ZNHIT1: variants seen among roughly 807,000 people sequenced by gnomAD.
ZNHIT1 encodes the protein zinc finger HIT-type containing 1, also known as zinc finger HIT domain-containing protein 1.
In ZNHIT1, 20 loss-of-function variants were observed where a neutral mutation model predicts 21.4. The ratio of observed to expected loss-of-function variants is 0.93; its 90% CI spans 0.66 to 1.36. The LOEUF is 1.36. Among genes scored for constraint, ZNHIT1 ranks in the 40% most tolerant of loss-of-function variants. ZNHIT1 has a pLI of 0.00. For missense variants in ZNHIT1, 170 were observed against 213.5 expected (o/e 0.80, Z 1.27); for synonymous variants, 79 against 84.0 (o/e 0.94, Z 0.32).
At chr7:101,222,489 T>G (rs1024555340) in intron 1 of ZNHIT1, 115 bp from the exon 2 acceptor site, 146 of 1,241,776 alleles carry the variant, frequency 1.2e-4, no homozygotes, top group Non-Finnish European at 1.4e-4. Context: ...GCAATGGGGA[T>G]GAGATCAGAG....
chr7:101,218,293 T>G, intron 1 of ZNHIT1, 76 bp downstream of exon 1: 1 of 1,517,286 alleles, frequency 6.6e-7, no homozygotes. Context: ...GTCATTCCTC[T>G]TTTTTGGTCT....
chr7:101,222,617 C>G lies in ZNHIT1; in HGVS notation c.36C>G (p.Asp12Glu), dbSNP rs774989449. 6.2e-7 allele frequency: 1 copy of G among 1,612,976 alleles called. No individual in the cohort carries two copies. Among genetic ancestry groups the G allele is most frequent in the Non-Finnish European group, 8.5e-7 (1 of 1,179,454 alleles). The change falls in exon 2 of 5, where the codon GAC becomes GAG. Residue 12 changes from aspartate to glutamate, a missense_variant. By Grantham distance (45) the Asp-to-Glu change is conservative (BLOSUM62 2). Coordinates refer to ENST00000305105, the MANE Select transcript of ZNHIT1 (RefSeq NM_006349.3). ...VEKKTSVRSQ[D>E]PGQRRVLDRA... is the part of the protein sequence containing the mutation. ...TGCTCCATCCAGTTCGCTCCCAGGA[C>G]CCCGGGCAGCGGCGGGTGCTGGACC... is the stretch of plus-strand genomic sequence containing the variant.
At chr7:101,222,430 T>C (rs778212969) in intron 1 of ZNHIT1, 174 bp from the exon 2 acceptor site, 2 of 503,402 alleles carry the variant, frequency 4.0e-6, no homozygotes, top group Admixed American at 1.1e-4. Context: ...GGACAGGAAG[T>C]GTGGGCCCAG....
chr7:101,224,184 G>C lies in ZNHIT1; in HGVS notation c.*226G>C. ...GTGCTGTTAGAATAAAAAGCCTCGT[G>C]CCGGAAGCCTTCCTGTTTGGTCGTG... On this transcript the variant is annotated 3_prime_UTR_variant, in exon 5 of 5. Coordinates refer to ENST00000305105, the MANE Select transcript of ZNHIT1 (RefSeq NM_006349.3). 1 of 646,636 alleles carries C rather than the reference G, an allele frequency of 1.5e-6. No homozygotes were observed. Among genetic ancestry groups the C allele is most frequent in the Non-Finnish European group, 2.6e-6 (1 of 379,960 alleles). 40.1% of individuals were successfully genotyped at this position (646,636 alleles called of 1,614,324 possible). A position where few individuals can be genotyped will look rare whatever the true frequency, so the allele number is the denominator to read the frequency against.
chr7:101,223,577 G>C (rs914427487), intron 3 of ZNHIT1, 21 bp downstream of exon 3: 2 of 1,614,176 alleles, frequency 1.2e-6, no homozygotes. Context: ...GGTCGGCCTG[G>C]GAGGACCCCA....
intron 1 of ZNHIT1, chr7:101,219,776 G>A (rs1403812304): frequency 6.6e-6 from 1 of 152,094 alleles, no homozygotes; most frequent in African/African-American, 2.4e-5. Context: ...GTTTTTTCAT[G>A]TTGGCCTCAA....
At chr7:101,220,260 C>T (rs987456703) in intron 1 of ZNHIT1, 6 of 151,954 alleles carry the variant, frequency 3.9e-5, no homozygotes, top group Non-Finnish European at 7.4e-5. Context: ...GCTGGGACTA[C>T]AGGTGTGTCC....
chr7:101,223,389 G>C, intron 2 of ZNHIT1, 88 bp from the exon 3 acceptor site: 1 of 1,417,578 alleles, frequency 7.1e-7, no homozygotes, highest in Admixed American at 1.8e-5. Flanking sequence ...AGAACCAGGA[G>C]GGCACATGGG....
chr7:101,222,716 C>G lies in ZNHIT1; in HGVS notation c.135C>G (p.His45Gln), dbSNP rs756492085. The change falls in exon 2 of 5, where the codon CAC (histidine) becomes CAG (glutamine). Residue 45 changes from histidine (H) to glutamine (Q), a missense_variant. By Grantham distance (24) the His-to-Gln change is conservative. Coordinates refer to ENST00000305105, the MANE Select transcript of ZNHIT1 (RefSeq NM_006349.3). Reference protein sequence around the residue: ...LENDNFQDDPHAGLPQLGKRL... With the variant: ...LENDNFQDDPQAGLPQLGKRL... ...ATGACAACTTCCAGGATGACCCCCA[C>G]GCGGGACTCCCTCAGCTCGGCAAGA... 11 of 1,614,218 alleles carry G rather than the reference C, an allele frequency of 6.8e-6. No homozygotes were observed. The highest frequency in any genetic ancestry group is 1.3e-5 in the African/African-American group (1 of 75,068).
chr7:101,221,298 A>G (rs955440332), intron 1 of ZNHIT1: 7 of 145,726 alleles, frequency 4.8e-5, no homozygotes, highest in Admixed American at 1.4e-4. Context: ...CTTGCTGCAC[A>G]CTGCAGCCTC....
rs931826945 is a variant in ZNHIT1, at chr7:101,222,831, C to T, written c.193+57C>T. The stretch of plus-strand genomic sequence containing the variant: ...GGACTGAGAGGAGGGCGGGAGAGTC[C>T]GCCCAACTCAGGCTGTGGGAGGACC... On this transcript the variant is annotated intron_variant, in intron 2 of 4. Coordinates refer to ENST00000305105, the MANE Select transcript of ZNHIT1 (RefSeq NM_006349.3). 5.7e-5 allele frequency: 89 copies of T among 1,569,358 alleles called. No individual in the cohort carries two copies. In the Admixed American group the frequency reaches 8.3e-4, roughly 15 times the overall value.
intron 1 of ZNHIT1, chr7:101,221,338 C>T (rs111786818): frequency 0.057 from 8,645 of 152,058 alleles, 259 homozygotes; most frequent in Admixed American, 0.074. Flanking sequence ...GTCCTCCCAC[C>T]GCAGCCTCCC....
chr7:101,218,418 C>G (rs1798320794), intron 1 of ZNHIT1: 1 of 589,826 alleles, frequency 1.7e-6, no homozygotes, highest in South Asian at 2.2e-5. Flanking sequence ...GAACTGCAAG[C>G]ATGAGGCCCC....
intron 1 of ZNHIT1, chr7:101,220,774 C>T (rs2116820312): frequency 6.6e-6 from 1 of 152,288 alleles, no homozygotes; most frequent in South Asian, 2.1e-4. Context: ...GTTTTTGAGA[C>T]AGGGTCTCTC....
At position 101,222,615 on chromosome 7, in the gene ZNHIT1, G is replaced by C. The variant is rs769031436; in HGVS notation, c.34G>C (p.Asp12His). ...CCTGCTCCATCCAGTTCGCTCCCAG[G>C]ACCCCGGGCAGCGGCGGGTGCTGGA... ...VEKKTSVRSQ[D>H]PGQRRVLDRA... The change falls in exon 2 of 5, where the codon GAC becomes CAC. Residue 12 changes from aspartate (D) to histidine (H), a missense_variant. Transcript: ENST00000305105. 1.6e-5 allele frequency: 26 copies of C among 1,612,804 alleles called. No individual in the cohort carries two copies. Among genetic ancestry groups the C allele is most frequent in the Non-Finnish European group, 2.2e-5 (26 of 1,179,452 alleles).
rs377287775 is a variant in ZNHIT1, at chr7:101,224,000, C to T, written c.*42C>T. On this transcript the variant is annotated 3_prime_UTR_variant, in exon 5 of 5. Transcript: ENST00000305105. ...AGAGGAAGGGCCGCTGTGCACTGCCCGGCCTTCAGAAAGACAGAATTTCAT... is the reference window on the plus strand; with the variant it reads ...AGAGGAAGGGCCGCTGTGCACTGCCTGGCCTTCAGAAAGACAGAATTTCAT... The T allele has an allele frequency of 2.8e-4, 444 of 1,613,922 alleles. No homozygotes were observed. The African/African-American group carries it at 3.5e-3, about 13-fold the overall frequency.
At chr7:101,219,645 C>A (rs1277983238) in intron 1 of ZNHIT1, 1 of 150,240 alleles carries the variant, frequency 6.7e-6, no homozygotes, top group Non-Finnish European at 1.5e-5. Flanking sequence ...CCAGGATGGT[C>A]TTGATCTCCT....
In ZNHIT1 at chr7:101,222,740, G is replaced by A. The variant is rs927550102; in HGVS notation, c.159G>A (p.Lys53=). ...DPHAGLPQLG[K]RLPQFDDDAD... is the part of the protein sequence containing the mutation. Reference sequence around the variant, plus strand: ...ACGCGGGACTCCCTCAGCTCGGCAAGAGACTGCCTCAGTTTGATGACGATG... The same window carrying A: ...ACGCGGGACTCCCTCAGCTCGGCAAAAGACTGCCTCAGTTTGATGACGATG... Residue 53 remains lysine, a synonymous_variant, in exon 2 of 5, where the codon AAG becomes AAA. Transcript: ENST00000305105. 2 of 1,614,160 alleles carry A rather than the reference G, an allele frequency of 1.2e-6. No individual in the cohort carries two copies. The highest frequency in any genetic ancestry group is 1.7e-5 in the Admixed American group (1 of 60,020).
At chr7:101,218,358 C>A in intron 1 of ZNHIT1, 141 bp downstream of exon 1, 1 of 914,420 alleles carries the variant, frequency 1.1e-6, no homozygotes, top group Non-Finnish European at 1.6e-6. Flanking sequence ...ACTGCAGCCT[C>A]GATTTCCTGG....
Sources: gnomAD v4.1 joint callset for allele counts on GRCh38, gnomAD v4.1.1 for gene constraint, MANE v1.5 for transcripts, NCBI Gene and HGNC (gene_info 2026-07-23, HGNC 2026-07-21) for gene names.